Variants in CAPN7 observed in about 807,000 individuals in gnomAD.
CAPN7 encodes the protein calpain 7.
In CAPN7, 72 loss-of-function variants were observed where a neutral mutation model predicts 115.2. The ratio of observed to expected loss-of-function variants is 0.63; its 90% CI spans 0.52 to 0.76. The LOEUF (loss-of-function observed/expected upper bound fraction) is 0.76, where lower values mean the gene tolerates loss of function less well. CAPN7 is among the 30% of genes least tolerant of loss of function. The probability of loss-of-function intolerance (pLI) is 0.00; values close to 1 mark genes in which losing one functional copy is unlikely to be tolerated. For missense variants in CAPN7, 905 were observed against 971.5 expected (o/e 0.93, Z 0.91); for synonymous variants, 344 against 322.3 (o/e 1.07, Z -0.72).
chr3:15,212,141 G>A lies in CAPN7; in HGVS notation c.140G>A (p.Gly47Glu). ...AQALIYAEMA[G>E]SSLENIQEKI... ...GCCTTAATTTATGCTGAGATGGCAGGATCAAGCCTAGAAAATATTCAAGAA... is the reference window on the plus strand; with the variant it reads ...GCCTTAATTTATGCTGAGATGGCAGAATCAAGCCTAGAAAATATTCAAGAA... Residue 47 changes from glycine (G) to glutamate (E), a missense_variant, in exon 2 of 21, where the codon GGA (glycine) becomes GAA (glutamate). By Grantham distance (98) the Gly-to-Glu change is moderately conservative. Around this residue, in one of 3 missense-constraint regions of CAPN7, gnomAD observed 271 missense variants for 239.6 expected, o/e 1.13. Transcript: ENST00000253693. The A allele has an allele frequency of 6.2e-7, 1 of 1,611,134 alleles. No homozygotes were observed. Among genetic ancestry groups the A allele is most frequent in the Non-Finnish European group, 8.5e-7 (1 of 1,178,370 alleles).
intron 10 of CAPN7, among the ~76,000 whole-genome samples, chr3:15,233,500 G>A (rs1694811732): frequency 6.6e-6 from 1 of 152,176 alleles, no homozygotes; most frequent in African/African-American, 2.4e-5. Context: ...ACTCAGTGGA[G>A]TTTAGAGAGA....
At chr3:15,251,056 T>C in intron 20 of CAPN7, 33 bp downstream of exon 20, 1 of 1,597,636 alleles carries the variant, frequency 6.3e-7, no homozygotes, top group East Asian at 2.2e-5. Flanking sequence ...ATCTATTTTA[T>C]ACTTTACTTT....
Position 15,206,614 on chromosome 3 carries a change from C to T in CAPN7, c.102+17C>T, listed in dbSNP as rs1485311927. The T allele has an allele frequency of 3.3e-6, 5 of 1,531,184 alleles. No homozygotes were observed. In the East Asian group the frequency reaches 7.6e-5, roughly 23 times the overall value. 94.8% of individuals were successfully genotyped at this position (1,531,184 alleles called of 1,614,324 possible). A position where few individuals can be genotyped will look rare whatever the true frequency, so the allele number is the denominator to read the frequency against. ...TATTACAAGGTAGGGCCGGGCCCGG[C>T]GCTTCGGTCGGAGTTGCTCAGTCGG... On this transcript the variant is annotated intron_variant, in intron 1 of 20. Coordinates refer to ENST00000253693, the MANE Select transcript of CAPN7 (RefSeq NM_014296.3).
At position 15,252,778 on chromosome 3, in the gene CAPN7, G is replaced by A. The variant is rs986479384; in HGVS notation, c.*1518G>A. On this transcript the variant is annotated 3_prime_UTR_variant, in exon 21 of 21. Coordinates refer to ENST00000253693, the MANE Select transcript of CAPN7 (RefSeq NM_014296.3). ...TGGACCAATATAAAAAATTGTATTT[G>A]AAGAATTGATACTTTAACTTGGACC... 15 of 150,138 alleles carry A rather than the reference G, an allele frequency of 1.0e-4. No individual in the cohort carries two copies. Among genetic ancestry groups the A allele is most frequent in the Non-Finnish European group, 1.9e-4 (13 of 68,006 alleles). The allele number at this position is 150,138 out of a possible 1,614,324, so 9.3% of individuals were successfully genotyped here.
intron 5 of CAPN7, among the ~76,000 whole-genome samples, chr3:15,223,179 A>G (rs777901082): frequency 1.4e-4 from 22 of 152,196 alleles, no homozygotes; most frequent in Non-Finnish European, 2.9e-4. Context: ...TAGGCTTAGC[A>G]TAGAATTGGT....
intron 6 of CAPN7, among the ~76,000 whole-genome samples, chr3:15,224,092 T>C (rs1251465748): frequency 6.6e-6 from 1 of 152,156 alleles, no homozygotes; most frequent in Non-Finnish European, 1.5e-5. Context: ...AGGACACTCA[T>C]CAAAGCATCT....
chr3:15,237,284 A>G (rs930945895), intron 12 of CAPN7, among the ~76,000 whole-genome samples: 4 of 152,186 alleles, frequency 2.6e-5, no homozygotes, highest in African/African-American at 9.7e-5. Flanking sequence ...CGAAACATAA[A>G]CACACACATT....
At chr3:15,211,393 A>G (rs910271494) in intron 1 of CAPN7, among the ~76,000 whole-genome samples, 3 of 152,188 alleles carry the variant, frequency 2.0e-5, no homozygotes, top group South Asian at 4.1e-4. Flanking sequence ...CAGCTATTCT[A>G]AAGAAGTGTT....
At chr3:15,246,909 G>A in intron 18 of CAPN7, 115 bp downstream of exon 18, 2 of 836,782 alleles carry the variant, frequency 2.4e-6, no homozygotes, top group East Asian at 2.8e-5. Context: ...GGAATATAAG[G>A]GAAACGTAAA....
chr3:15,214,647 G>A (rs2045140632), intron 2 of CAPN7, among the ~76,000 whole-genome samples: 2 of 152,152 alleles, frequency 1.3e-5, no homozygotes, highest in South Asian at 4.1e-4. Context: ...GAGCCCAGGA[G>A]GTTGAGGCTG....
chr3:15,245,126 GTTAAT>G (rs1051849536), intron 16 of CAPN7, among the ~76,000 whole-genome samples: 1 of 144,750 alleles, frequency 6.9e-6, no homozygotes, highest in Non-Finnish European at 1.5e-5. Flanking sequence ...AAAAAAAAAA[GTTAAT>G]TTAAACCTGA....
chr3:15,213,483 G>A (rs1166795114), intron 2 of CAPN7, among the ~76,000 whole-genome samples: 2 of 152,202 alleles, frequency 1.3e-5, no homozygotes, highest in African/African-American at 4.8e-5. Flanking sequence ...TAGACTAAAT[G>A]TTAAAGCAGA....
At chr3:15,214,337 C>T (rs953544629) in intron 2 of CAPN7, among the ~76,000 whole-genome samples, 1 of 152,006 alleles carries the variant, frequency 6.6e-6, no homozygotes, top group African/African-American at 2.4e-5. Context: ...CTGTTAGGAA[C>T]CCTAAGTTTT....
At chr3:15,243,550 G>A (rs1695477976) in intron 16 of CAPN7, among the ~76,000 whole-genome samples, 1 of 152,120 alleles carries the variant, frequency 6.6e-6, no homozygotes, top group African/African-American at 2.4e-5. Flanking sequence ...GACACCTTGA[G>A]GTTCAGCAGA....
intron 5 of CAPN7, 22 bp from the exon 6 acceptor site, chr3:15,223,453 G>T: frequency 6.8e-7 from 1 of 1,476,364 alleles, no homozygotes; most frequent in South Asian, 1.1e-5. Flanking sequence ...GAACATTTAG[G>T]TTTTTTTCTC....
At position 15,235,139 on chromosome 3, in the gene CAPN7, G is replaced by T; in HGVS notation, c.1401G>T (p.Glu467Asp). The change falls in exon 12 of 21, where the codon GAG (glutamate) becomes GAT (aspartate). Residue 467 changes from glutamate to aspartate, a missense_variant. Glu to Asp is a conservative substitution (Grantham distance 45, BLOSUM62 2). Transcript: ENST00000253693. ...THAYAVLDIR[E>D]FKGLRFIQLK... ...CATATGCTGTTTTGGATATTAGAGAGTTCAAGGTTTTGCCTTAAATCTTTT... is the reference window on the plus strand; with the variant it reads ...CATATGCTGTTTTGGATATTAGAGATTTCAAGGTTTTGCCTTAAATCTTTT... 6.3e-7 allele frequency: 1 copy of T among 1,594,808 alleles called. No homozygotes were observed. The highest frequency in any genetic ancestry group is 8.5e-7 in the Non-Finnish European group (1 of 1,174,530).
Position 15,207,306 on chromosome 3 carries a change from A to G in CAPN7, c.102+709A>G, listed in dbSNP as rs139981700. On this transcript the variant is annotated intron_variant, in intron 1 of 20. Transcript: ENST00000253693. Reference sequence around the variant, plus strand: ...ACATGCAGCATAAAAGATAAAAAAAAAATACTACACCAGTGTGGGGCACTT... The same window carrying G: ...ACATGCAGCATAAAAGATAAAAAAAGAATACTACACCAGTGTGGGGCACTT... Among the ~76,000 whole-genome samples, 243 of 152,328 alleles carry G rather than the reference A, an allele frequency of 1.6e-3. 2 individuals are homozygous for G. The highest frequency in any genetic ancestry group is 5.1e-3 in the African/African-American group (213 of 41,572).
intron 2 of CAPN7, among the ~76,000 whole-genome samples, chr3:15,213,249 A>G (rs1052997740): frequency 2.0e-5 from 3 of 152,254 alleles, no homozygotes; most frequent in Non-Finnish European, 4.4e-5. Context: ...TTATCTTTGA[A>G]GTAGGGAAGG....
In CAPN7 at chr3:15,241,462, T is replaced by G. The variant is rs772201049; in HGVS notation, c.1662T>G (p.Asp554Glu). ...KESTCIHSTWDAKQGPVKDAY... is the reference protein window; with the variant it reads ...KESTCIHSTWEAKQGPVKDAY... ...TGACTTTATCTTTTAGTACTTGGGATGCTAAGCAAGGACCTGTGAAAGATG... is the reference window on the plus strand; with the variant it reads ...TGACTTTATCTTTTAGTACTTGGGAGGCTAAGCAAGGACCTGTGAAAGATG... Residue 554 changes from aspartate to glutamate, a missense_variant, in exon 15 of 21, where the codon GAT becomes GAG. Coordinates refer to ENST00000253693, the MANE Select transcript of CAPN7 (RefSeq NM_014296.3). 1 of 1,613,834 alleles carries G rather than the reference T, an allele frequency of 6.2e-7. No individual in the cohort carries two copies.
Sources: gnomAD v4.1 joint callset for allele counts (sites outside exome capture counted in the v4.1 genomes callset) on GRCh38, gnomAD v4.1.1 for gene constraint, gnomAD v4.1.1 regional missense constraint, MANE v1.5 for transcripts, NCBI Gene and HGNC (gene_info 2026-07-23, HGNC 2026-07-21) for gene names.